WWTR1: variants seen among roughly 807,000 people sequenced by gnomAD.
The protein encoded by WWTR1 is WW domain containing transcription regulator 1.
In WWTR1, 13 loss-of-function variants were observed where a neutral mutation model predicts 40.1. The observed-to-expected ratio is 0.32, with a 90% CI of 0.21 to 0.52. The LOEUF is 0.52. WWTR1 is among the 20% of genes least tolerant of loss of function. The pLI, the probability that WWTR1 is intolerant of heterozygous loss-of-function variation, is 0.97. For missense variants in WWTR1, 436 were observed against 523.1 expected (o/e 0.83, Z 1.63); for synonymous variants, 230 against 210.1 (o/e 1.09, Z -0.82).
chr3:149,580,609 T>TTTTG lies in WWTR1; in HGVS notation c.432-7613_432-7610dup, dbSNP rs568420795. Among the ~76,000 whole-genome samples the TTTTG allele has an allele frequency of 5.2e-4, 79 of 152,254 alleles. No homozygotes were observed. The East Asian group carries it at 0.013, about 26-fold the overall frequency. On this transcript the variant is annotated intron_variant, in intron 2 of 6. Coordinates refer to ENST00000360632, the MANE Select transcript of WWTR1 (RefSeq NM_015472.6). Reference sequence around the variant, plus strand: ...ATGTTTGTAATACTAAGATTAGGTTTTTTGTTTGTTTGTTTGTTTTTGAGA... The same window carrying TTTTG: ...ATGTTTGTAATACTAAGATTAGGTTTTTTGTTTGTTTGTTTGTTTGTTTTTGAGA...
intron 3 of WWTR1, among the ~76,000 whole-genome samples, chr3:149,572,140 T>C (rs1737663845): frequency 6.6e-6 from 1 of 152,194 alleles, no homozygotes; most frequent in Non-Finnish European, 1.5e-5. Flanking sequence ...GCTCTCCAGC[T>C]CTGCTCTCCA....
At chr3:149,524,333 T>TTTTG (rs1266009690) in intron 6 of WWTR1, among the ~76,000 whole-genome samples, 1 of 36,654 alleles carries the variant, frequency 2.7e-5, no homozygotes, top group East Asian at 3.2e-4. Flanking sequence ...TATGGTTTTT[T>TTTTG]TTTTTTTTTT....
upstream of WWTR1, chr3:149,658,560 C>T (rs1365867864): frequency 6.6e-6 from 1 of 152,328 alleles, no homozygotes; most frequent in Non-Finnish European, 1.5e-5. Flanking sequence ...CCAACAAGGC[C>T]AGCTTTTCCA....
chr3:149,696,685 G>GA, intron 1 of WWTR1, among the ~76,000 whole-genome samples: 1 of 152,208 alleles, frequency 6.6e-6, no homozygotes, highest in African/African-American at 2.4e-5. Flanking sequence ...CCTCAGCATT[G>GA]ACCTTGACTC....
At chr3:149,527,725 C>T (rs1735386226) in intron 5 of WWTR1, 111 bp downstream of exon 5, 1 of 1,476,952 alleles carries the variant, frequency 6.8e-7, no homozygotes, top group Non-Finnish European at 9.3e-7. Flanking sequence ...TTTATTCTCA[C>T]CCTCAACCCT....
At chr3:149,701,306 T>G (rs1715163749) in intron 1 of WWTR1, among the ~76,000 whole-genome samples, 2 of 152,204 alleles carry the variant, frequency 1.3e-5, no homozygotes, top group African/African-American at 2.4e-5. Context: ...AAATCGGTTT[T>G]GTATGTCAAG....
chr3:149,633,186 C>G (rs1234329696), intron 2 of WWTR1, among the ~76,000 whole-genome samples: 3 of 152,066 alleles, frequency 2.0e-5, no homozygotes, highest in African/African-American at 7.2e-5. Context: ...GCCAAGAGTT[C>G]AAGGACAGCC....
intron 2 of WWTR1, among the ~76,000 whole-genome samples, chr3:149,645,967 CAAT>C (rs1712503402): frequency 6.6e-6 from 1 of 152,038 alleles, no homozygotes; most frequent in Admixed American, 6.6e-5. Flanking sequence ...AATTTTAAAA[CAAT>C]GAGTTACTGT....
At chr3:149,567,115 C>T (rs1158120606) in intron 3 of WWTR1, among the ~76,000 whole-genome samples, 1 of 150,672 alleles carries the variant, frequency 6.6e-6, no homozygotes, top group Non-Finnish European at 1.5e-5. Flanking sequence ...GGTCTCATTC[C>T]AACAAAAAGC....
intron 1 of WWTR1, among the ~76,000 whole-genome samples, chr3:149,695,798 T>A (rs540568487): frequency 0.012 from 1,645 of 137,746 alleles, 32 homozygotes; most frequent in African/African-American, 0.04. Flanking sequence ...GAAAAAAATA[T>A]ATATATATAT....
At chr3:149,527,153 CTTTCTTTT>C (rs1560044374) in intron 5 of WWTR1, among the ~76,000 whole-genome samples, 5 of 144,420 alleles carry the variant, frequency 3.5e-5, no homozygotes, top group African/African-American at 2.6e-5. Context: ...CTTTTCTTTT[CTTTCTTTT>C]TTTTTTTTTT....
intron 2 of WWTR1, among the ~76,000 whole-genome samples, chr3:149,602,690 A>G (rs1247534705): frequency 6.6e-6 from 1 of 152,118 alleles, no homozygotes; most frequent in African/African-American, 2.4e-5. Flanking sequence ...TTTGAGACGG[A>G]GTCTCACTCT....
intron 3 of WWTR1, among the ~76,000 whole-genome samples, chr3:149,553,219 C>T (rs928335612): frequency 2.0e-5 from 3 of 152,224 alleles, no homozygotes; most frequent in African/African-American, 7.2e-5. Context: ...TGCTAGAATA[C>T]TACAGCTGGC....
At chr3:149,635,871 A>C (rs1432318616) in intron 2 of WWTR1, among the ~76,000 whole-genome samples, 1 of 152,242 alleles carries the variant, frequency 6.6e-6, no homozygotes, top group Non-Finnish European at 1.5e-5. Context: ...ATATATGACC[A>C]TCTATGAGTA....
At chr3:149,682,420 C>T (rs1300649458) in intron 1 of WWTR1, among the ~76,000 whole-genome samples, 27 of 152,114 alleles carry the variant, frequency 1.8e-4, no homozygotes, top group Admixed American at 1.7e-3. Context: ...TAAAATTGGC[C>T]ATGGGAACCA....
At chr3:149,620,023 T>C (rs998481342) in intron 2 of WWTR1, among the ~76,000 whole-genome samples, 20 of 152,188 alleles carry the variant, frequency 1.3e-4, no homozygotes, top group African/African-American at 4.1e-4. Context: ...ATCTACACGC[T>C]TTGATGTATT....
intron 3 of WWTR1, among the ~76,000 whole-genome samples, chr3:149,562,906 G>C (rs1254917783): frequency 1.3e-5 from 2 of 152,030 alleles, no homozygotes; most frequent in African/African-American, 2.4e-5. Context: ...CACACAGGCG[G>C]GAGCAATATT....
chr3:149,617,605 G>C (rs1456643534), intron 2 of WWTR1, among the ~76,000 whole-genome samples: 7 of 152,212 alleles, frequency 4.6e-5, no homozygotes, highest in African/African-American at 1.2e-4. Flanking sequence ...TTCGAGACCA[G>C]TCTGGCCAAC....
intron 3 of WWTR1, among the ~76,000 whole-genome samples, chr3:149,544,968 A>G (rs1736300472): frequency 6.6e-6 from 1 of 152,198 alleles, no homozygotes; most frequent in African/African-American, 2.4e-5. Flanking sequence ...GCCTGCCACC[A>G]AGGACTCTCA....
Sources: gnomAD v4.1 joint callset for allele counts (sites outside exome capture counted in the v4.1 genomes callset) on GRCh38, gnomAD v4.1.1 for gene constraint, MANE v1.5 for transcripts, NCBI Gene and HGNC (gene_info 2026-07-23, HGNC 2026-07-21) for gene names.